TYW1: variants seen among roughly 807,000 people sequenced by gnomAD.
The protein encoded by TYW1 is S-adenosyl-L-methionine-dependent tRNA 4-demethylwyosine synthase TYW1.
TYW1 carries 46 observed loss-of-function variants against 96.2 expected under a neutral mutation model. That is an observed-to-expected ratio of 0.48 (90% CI 0.38 to 0.61). The LOEUF is 0.61. TYW1 is among the 20% of genes least tolerant of loss of function. TYW1 has a pLI of 0.00. For missense variants in TYW1, 684 were observed against 909.6 expected (o/e 0.75, Z 3.19); for synonymous variants, 274 against 323.0 (o/e 0.85, Z 1.63).
intron 9 of TYW1, among the ~76,000 whole-genome samples, chr7:67,062,566 C>CAAAAA (rs56770876): frequency 4.0e-4 from 36 of 89,144 alleles, no homozygotes; most frequent in African/African-American, 9.0e-4. Flanking sequence ...GACTCCGTCT[C>CAAAAA]AAAAAAAAAA....
At chr7:67,215,265 A>G (rs1051957388) in intron 15 of TYW1, among the ~76,000 whole-genome samples, 3 of 151,714 alleles carry the variant, frequency 2.0e-5, no homozygotes, top group African/African-American at 7.3e-5. Flanking sequence ...GTAGACCCAC[A>G]TTAGCTCAAG....
intron 12 of TYW1, among the ~76,000 whole-genome samples, chr7:67,102,409 T>A (rs1455412382): frequency 6.6e-6 from 1 of 152,184 alleles, no homozygotes; most frequent in East Asian, 1.9e-4. Context: ...TTGATTGCCA[T>A]CTTCAACAAA....
chr7:67,038,820 C>T (rs1483725849), intron 7 of TYW1, among the ~76,000 whole-genome samples: 1 of 151,872 alleles, frequency 6.6e-6, no homozygotes, highest in Non-Finnish European at 1.5e-5. Flanking sequence ...AGGAGAATCG[C>T]TTGAACCCCA....
Position 67,211,150 on chromosome 7 carries a change from TTGTGTGTGTGTGTGTG to T in TYW1, c.1977+15839_1977+15854del, listed in dbSNP as rs61112149. On this transcript the variant is annotated intron_variant, in intron 15 of 15. Transcript: ENST00000359626. ...TTACTTTGCCATACCCCCATCAACA[TTGTGTGTGTGTGTGTG>T]TGTGTGTGTGTGTGTGTGTGTGTGT... is the stretch of plus-strand genomic sequence containing the variant. 3.7e-3 allele frequency among the ~76,000 whole-genome samples: 464 copies of T among 125,810 alleles called. 7 individuals are homozygous for T. The highest frequency in any genetic ancestry group is 0.013 in the African/African-American group (433 of 32,376). The allele number at this position is 125,810 out of a possible 152,430, so 82.5% of individuals were successfully genotyped here.
rs370544344 is a variant in TYW1 at position 67,080,402 on chromosome 7, CT to C, written c.1275-3012del. ...ATACAAGGATAGCTACTCTTGCTTA[CT>C]TTTTTTTTTTTTTTTAATTTGAGAT... On this transcript the variant is annotated intron_variant, in intron 10 of 15. Coordinates refer to ENST00000359626, the MANE Select transcript of TYW1 (RefSeq NM_018264.4). Among the ~76,000 whole-genome samples the C allele has an allele frequency of 4.8e-3, 675 of 141,418 alleles. 2 individuals are homozygous for C. The highest frequency in any genetic ancestry group is 0.011 in the Middle Eastern group (3 of 276). 92.8% of individuals were successfully genotyped at this position (141,418 alleles called of 152,430 possible). A position where few individuals can be genotyped will look rare whatever the true frequency, so the allele number is the denominator to read the frequency against.
At chr7:67,076,556 A>G (rs1796213614) in intron 10 of TYW1, among the ~76,000 whole-genome samples, 1 of 151,948 alleles carries the variant, frequency 6.6e-6, no homozygotes, top group African/African-American at 2.4e-5. Flanking sequence ...GCTCACTGCA[A>G]TCTCTGCCTC....
intron 7 of TYW1, among the ~76,000 whole-genome samples, chr7:67,026,319 C>T (rs192421333): frequency 2.6e-5 from 4 of 152,144 alleles, no homozygotes; most frequent in East Asian, 1.9e-4. Context: ...GTGATCTGCC[C>T]GCCTTGGCCT....
At chr7:67,005,064 C>G (rs939735368) in intron 3 of TYW1, among the ~76,000 whole-genome samples, 3 of 152,032 alleles carry the variant, frequency 2.0e-5, no homozygotes, top group Admixed American at 6.6e-5. Context: ...CTTGAAATTT[C>G]TTTTCTTTAA....
intron 15 of TYW1, among the ~76,000 whole-genome samples, chr7:67,231,295 G>T (rs1801742488): frequency 6.6e-6 from 1 of 152,066 alleles, no homozygotes; most frequent in Admixed American, 6.6e-5. Context: ...TCTTTTTGAA[G>T]AAGTCTCTGC....
At chr7:67,029,159 C>G (rs1217823592) in intron 7 of TYW1, among the ~76,000 whole-genome samples, 2 of 151,762 alleles carry the variant, frequency 1.3e-5, no homozygotes, top group Non-Finnish European at 2.9e-5. Context: ...CCACTGCGCC[C>G]AGCTAATTTT....
chr7:67,124,194 T>C (rs557351976), intron 13 of TYW1, among the ~76,000 whole-genome samples: 26 of 152,350 alleles, frequency 1.7e-4, no homozygotes, highest in Middle Eastern at 6.8e-3. Context: ...TTCATACATA[T>C]GTGTCTATAT....
chr7:67,133,966 A>G (rs980616790), intron 13 of TYW1, among the ~76,000 whole-genome samples: 1 of 151,692 alleles, frequency 6.6e-6, no homozygotes, highest in Non-Finnish European at 1.5e-5. Context: ...GGAAAATAAT[A>G]TCCCTCCTCA....
chr7:67,078,285 T>C (rs1484779179), intron 10 of TYW1, among the ~76,000 whole-genome samples: 5 of 151,592 alleles, frequency 3.3e-5, no homozygotes, highest in South Asian at 4.2e-4. Flanking sequence ...TTAGTAGAGA[T>C]GGGGTTTCAC....
chr7:67,160,669 A>G (rs59230204), intron 13 of TYW1, among the ~76,000 whole-genome samples: 37,355 of 143,632 alleles, frequency 0.26, 5,406 homozygotes, highest in African/African-American at 0.37. Flanking sequence ...TCGGCTCACT[A>G]CCACCTCTGC....
chr7:67,047,406 T>C (rs1795219192), intron 7 of TYW1, among the ~76,000 whole-genome samples: 1 of 152,304 alleles, frequency 6.6e-6, no homozygotes, highest in East Asian at 1.9e-4. Context: ...TTAAACTATC[T>C]TAATAAAATA....
At chr7:67,152,923 C>T (rs1798849413) in intron 13 of TYW1, among the ~76,000 whole-genome samples, 1 of 152,118 alleles carries the variant, frequency 6.6e-6, no homozygotes, top group Non-Finnish European at 1.5e-5. Context: ...TTTTTGCTGG[C>T]ACCTTGGAAT....
intron 7 of TYW1, among the ~76,000 whole-genome samples, chr7:67,044,493 T>G (rs1477217154): frequency 1.3e-5 from 2 of 152,244 alleles, no homozygotes; most frequent in Admixed American, 6.5e-5. Flanking sequence ...TCTGATAGTT[T>G]TGAGGCATTT....
rs192797012 is a variant in TYW1 at position 67,111,420 on chromosome 7, T to C, written c.1563-6063T>C. ...TTCACCTTGTTGGCCAGGATGGTCTTGAACTCCTGACCTCAAGTGATCTGC... is the reference window on the plus strand; with the variant it reads ...TTCACCTTGTTGGCCAGGATGGTCTCGAACTCCTGACCTCAAGTGATCTGC... On this transcript the variant is annotated intron_variant, in intron 12 of 15. Transcript: ENST00000359626. Among the ~76,000 whole-genome samples the C allele has an allele frequency of 2.2e-4, 34 of 152,276 alleles. No homozygotes were observed. The East Asian group carries it at 6.2e-3, about 28-fold the overall frequency.
chr7:66,998,065 A>G lies in TYW1; in HGVS notation c.5A>G (p.Asp2Gly), dbSNP rs755407198. Reference sequence around the variant, plus strand: ...ATTGTGTGTGTCATTTTAAATTTAGATCCTTCTGCGGATACATGGGACCTC... The same window carrying G: ...ATTGTGTGTGTCATTTTAAATTTAGGTCCTTCTGCGGATACATGGGACCTC... MDPSADTWDLFS... is the reference protein window; with the variant it reads MGPSADTWDLFS... The change falls in exon 2 of 16, where the codon GAT (aspartate) becomes GGT (glycine). Residue 2 changes from aspartate to glycine, a missense_variant and splice_region_variant. Physicochemically the swap from Asp to Gly is moderately conservative, Grantham distance 94. Transcript: ENST00000359626. 6.3e-7 allele frequency: 1 copy of G among 1,579,864 alleles called. No individual in the cohort carries two copies. The highest frequency in any genetic ancestry group is 1.2e-5 in the South Asian group (1 of 84,556).
Sources: gnomAD v4.1 joint callset for allele counts (sites outside exome capture counted in the v4.1 genomes callset) on GRCh38, gnomAD v4.1.1 for gene constraint, MANE v1.5 for transcripts, NCBI Gene and HGNC (gene_info 2026-07-23, HGNC 2026-07-21) for gene names.